Variants in DLGAP2 observed in about 807,000 individuals in gnomAD.
DLGAP2 encodes disks large-associated protein 2.
DLGAP2 carries 26 observed loss-of-function variants against 100.3 expected under a neutral mutation model. The observed-to-expected ratio is 0.26, with a 90% CI of 0.19 to 0.36. DLGAP2 has a LOEUF of 0.36. Ranked by LOEUF, DLGAP2 falls within the 10% of genes least tolerant of loss-of-function variation. The pLI, the probability that DLGAP2 is intolerant of heterozygous loss-of-function variation, is 1.00. For synonymous variants in DLGAP2, 886 were observed against 630.1 expected (o/e 1.41, Z -6.08); for missense variants, 1,858 against 1,453.2 (o/e 1.28, Z -4.53).
intron 3 of DLGAP2, among the ~76,000 whole-genome samples, chr8:1,333,954 A>G (rs10091856): frequency 0.41 from 61,933 of 152,112 alleles, 14,665 homozygotes; most frequent in African/African-American, 0.66. Context: ...GCGGTGGCAC[A>G]GGGGCCAACA....
intron 2 of DLGAP2, among the ~76,000 whole-genome samples, chr8:1,011,149 C>G (rs1727262055): frequency 1.3e-5 from 2 of 148,334 alleles, no homozygotes; most frequent in South Asian, 2.1e-4. Context: ...ACACAGTGAG[C>G]TCTGGAATGA....
chr8:1,289,866 C>A (rs1005248622), intron 3 of DLGAP2, among the ~76,000 whole-genome samples: 1 of 152,146 alleles, frequency 6.6e-6, no homozygotes, highest in Admixed American at 6.5e-5. Context: ...GAGAATCTTT[C>A]CTAAGATATT....
rs898813403 is a variant in DLGAP2 at position 1,193,061 on chromosome 8, C to G, written c.74-65790C>G. Among the ~76,000 whole-genome samples, 7 of 152,214 alleles carry G rather than the reference C, an allele frequency of 4.6e-5. No homozygotes were observed. In the East Asian group the frequency reaches 7.7e-4, roughly 17 times the overall value. On this transcript the variant is annotated intron_variant, in intron 2 of 14. Transcript: ENST00000637795. ...TGTATATGTGCCACATTTTCTTAATCCAGTCTATCATTGTTGGACATTTGG... is the reference window on the plus strand; with the variant it reads ...TGTATATGTGCCACATTTTCTTAATGCAGTCTATCATTGTTGGACATTTGG...
At chr8:938,246 G>A (rs1799116158) in intron 2 of DLGAP2, among the ~76,000 whole-genome samples, 2 of 152,066 alleles carry the variant, frequency 1.3e-5, no homozygotes, top group Admixed American at 6.5e-5. Context: ...GTATAATGGT[G>A]ACAGAGAGAG....
intron 1 of DLGAP2, among the ~76,000 whole-genome samples, chr8:886,534 T>C (rs1273828163): frequency 6.6e-6 from 1 of 152,246 alleles, no homozygotes; most frequent in Non-Finnish European, 1.5e-5. Context: ...CTCTTAACAC[T>C]GCTTTAGCTG....
At chr8:959,267 G>C (rs1209677626) in intron 2 of DLGAP2, among the ~76,000 whole-genome samples, 2 of 152,184 alleles carry the variant, frequency 1.3e-5, no homozygotes, top group African/African-American at 4.8e-5. Context: ...TGGTGTTGTG[G>C]CTCTAATGTT....
At chr8:1,191,113 C>G (rs1025699494) in intron 2 of DLGAP2, among the ~76,000 whole-genome samples, 2 of 151,734 alleles carry the variant, frequency 1.3e-5, no homozygotes, top group African/African-American at 2.4e-5. Context: ...CGTGGGATGT[C>G]TTGCAATACA....
chr8:1,623,457 C>G (rs1341564079), intron 6 of DLGAP2, among the ~76,000 whole-genome samples: 1 of 151,956 alleles, frequency 6.6e-6, no homozygotes, highest in Non-Finnish European at 1.5e-5. Context: ...GACCTGACAC[C>G]AGCGCGCAAT....
chr8:1,048,786 C>A (rs1239590670), intron 2 of DLGAP2, among the ~76,000 whole-genome samples: 1 of 151,978 alleles, frequency 6.6e-6, no homozygotes, highest in African/African-American at 2.4e-5. Flanking sequence ...GGACAGCCAC[C>A]CTCTCCTGTG....
At position 1,667,687 on chromosome 8, in the gene DLGAP2, C is replaced by T. The variant is rs1407502483; in HGVS notation, c.1811-642C>T. ...CAGGTGCTGGTGACCTCTTCTCACACACAGGTTTCCTGTACAAATAGATTC... is the reference window on the plus strand; with the variant it reads ...CAGGTGCTGGTGACCTCTTCTCACATACAGGTTTCCTGTACAAATAGATTC... On this transcript the variant is annotated intron_variant, in intron 8 of 14. Transcript: ENST00000637795. Among the ~76,000 whole-genome samples the T allele has an allele frequency of 4.6e-5, 7 of 152,234 alleles. No homozygotes were observed. In the East Asian group the frequency reaches 1.3e-3, roughly 29 times the overall value.
chr8:1,314,923 T>C (rs1240366829), intron 3 of DLGAP2, among the ~76,000 whole-genome samples: 2 of 152,244 alleles, frequency 1.3e-5, no homozygotes, highest in African/African-American at 4.8e-5. Context: ...ACAGCTCCCA[T>C]GTGCCCTACC....
intron 1 of DLGAP2, among the ~76,000 whole-genome samples, chr8:830,991 G>A (rs1448135107): frequency 1.3e-5 from 2 of 150,086 alleles, no homozygotes; most frequent in Admixed American, 6.7e-5. Flanking sequence ...TGCCTCCCGA[G>A]TTCAAGCGAT....
At chr8:1,510,239 C>T (rs2130367969) in intron 4 of DLGAP2, among the ~76,000 whole-genome samples, 1 of 152,324 alleles carries the variant, frequency 6.6e-6, no homozygotes, top group East Asian at 1.9e-4. Context: ...CCCTGGACAA[C>T]AGCGATAACT....
At chr8:1,017,612 G>GTGTGTGTGACCAGGACAGACGA (rs1801501207) in intron 2 of DLGAP2, among the ~76,000 whole-genome samples, 1 of 116,176 alleles carries the variant, frequency 8.6e-6, no homozygotes, top group African/African-American at 2.8e-5. Context: ...AGGACAGACG[G>GTGTGTGTGACCAGGACAGACGA]CGCCTCCACT....
intron 3 of DLGAP2, among the ~76,000 whole-genome samples, chr8:1,318,001 CT>C (rs1395752559): frequency 3.1e-5 from 1 of 31,836 alleles, no homozygotes; most frequent in African/African-American, 2.2e-4. Flanking sequence ...AACTCGGCAG[CT>C]TTTAAAAATA....
intron 2 of DLGAP2, among the ~76,000 whole-genome samples, chr8:1,175,980 C>T (rs1395257199): frequency 6.6e-6 from 1 of 152,188 alleles, no homozygotes. Flanking sequence ...TGGCACAGGG[C>T]CTATGTCATA....
Position 1,326,490 on chromosome 8 carries a change from G to A in DLGAP2, c.106+67607G>A, listed in dbSNP as rs770459071. Among the ~76,000 whole-genome samples the A allele has an allele frequency of 6.6e-5, 10 of 151,998 alleles. No homozygotes were observed. In the South Asian group the frequency reaches 1.5e-3, roughly 22 times the overall value. The stretch of plus-strand genomic sequence containing the variant: ...CATGGCACGCGCTCGGTCTCGGTCC[G>A]GGCCTGTCACTCAGGACACGGCGTG... On this transcript the variant is annotated intron_variant, in intron 3 of 14. Transcript: ENST00000637795.
In DLGAP2 at chr8:998,094, C is replaced by A. The variant is rs138718756; in HGVS notation, c.73+90128C>A. On this transcript the variant is annotated intron_variant, in intron 2 of 14. Coordinates refer to ENST00000637795, the MANE Select transcript of DLGAP2 (RefSeq NM_001346810.2). Reference sequence around the variant, plus strand: ...ATGCATGTGCACACACCCGTGTCTGCACAGAAACATACACACGTGTATGAA... The same window carrying A: ...ATGCATGTGCACACACCCGTGTCTGAACAGAAACATACACACGTGTATGAA... Among the ~76,000 whole-genome samples the A allele has an allele frequency of 1.0e-3, 155 of 152,242 alleles. 1 individual carries two copies. Among genetic ancestry groups the A allele is most frequent in the African/African-American group, 3.7e-3 (152 of 41,522 alleles).
intron 6 of DLGAP2, among the ~76,000 whole-genome samples, chr8:1,626,351 A>G (rs868850925): frequency 1.2e-4 from 8 of 67,576 alleles, no homozygotes; most frequent in African/African-American, 6.1e-4. Flanking sequence ...TCCCATCTCT[A>G]CCCTGCAGCA....
Sources: gnomAD v4.1 joint callset for allele counts (sites outside exome capture counted in the v4.1 genomes callset) on GRCh38, gnomAD v4.1.1 for gene constraint, MANE v1.5 for transcripts, NCBI Gene and HGNC (gene_info 2026-07-23, HGNC 2026-07-21) for gene names.